The following IQSEC3 variants were observed in gnomAD, a reference collection of about 807,000 sequenced individuals.
The protein encoded by IQSEC3 is IQ motif and Sec7 domain ArfGEF 3.
Under a neutral mutation model 105.4 loss-of-function variants are expected in IQSEC3, and 50 were observed. The observed-to-expected ratio is 0.47, with a 90% CI of 0.38 to 0.60. IQSEC3 has a LOEUF of 0.60. IQSEC3 is among the 20% of genes least tolerant of loss of function. The probability of loss-of-function intolerance (pLI) is 0.00; values close to 1 mark genes in which losing one functional copy is unlikely to be tolerated. For synonymous variants in IQSEC3, 708 were observed against 746.0 expected (o/e 0.95, Z 0.83); for missense variants, 1,415 against 1,630.0 (o/e 0.87, Z 2.27).
rs1323995980 is a variant in IQSEC3, at chr12:162,780, T to C, written c.2584-714T>C. Among the ~76,000 whole-genome samples the C allele has an allele frequency of 4.6e-5, 7 of 152,292 alleles. No homozygotes were observed. In the East Asian group the frequency reaches 1.4e-3, roughly 29 times the overall value. The stretch of plus-strand genomic sequence containing the variant: ...GGTTTGTCTTACACGCTGGAGTAGA[T>C]GCCAGGTGTCTCTGTGATCCCTTCG... On this transcript the variant is annotated intron_variant, in intron 8 of 13. Transcript: ENST00000538872.
intron 1 of IQSEC3, among the ~76,000 whole-genome samples, chr12:78,190 C>A (rs1176413575): frequency 6.6e-6 from 1 of 151,282 alleles, no homozygotes; most frequent in African/African-American, 2.4e-5. Flanking sequence ...CGCAGGGCGC[C>A]GCCTCCTCCC....
At chr12:147,594 T>TC (rs1340818579) in intron 5 of IQSEC3, among the ~76,000 whole-genome samples, 3 of 151,994 alleles carry the variant, frequency 2.0e-5, no homozygotes, top group Non-Finnish European at 2.9e-5. Context: ...TCCTTGTCAG[T>TC]CCCCCATCAT....
Position 178,342 on chromosome 12 carries a change from G to T in IQSEC3, c.*3309G>T, listed in dbSNP as rs1331102994. 6.6e-6 allele frequency: 1 copy of T among 152,242 alleles called. No homozygotes were observed. Among genetic ancestry groups the T allele is most frequent in the African/African-American group, 2.4e-5 (1 of 41,446 alleles). The allele number at this position is 152,242 out of a possible 1,614,324, so 9.4% of individuals were successfully genotyped here. ...AACCTCTCTAGGGAAAGGCAGGGTG[G>T]CTGCACCCAGCAACTAATCCAAATG... On this transcript the variant is annotated 3_prime_UTR_variant, in exon 14 of 14. Transcript: ENST00000538872.
chr12:128,497 C>T (rs532594041), intron 3 of IQSEC3, among the ~76,000 whole-genome samples: 1 of 152,268 alleles, frequency 6.6e-6, no homozygotes, highest in Non-Finnish European at 1.5e-5. Context: ...CACTGAATCC[C>T]GTGTTCCATG....
chr12:136,838 C>T (rs141367150), intron 3 of IQSEC3, among the ~76,000 whole-genome samples: 2 of 152,294 alleles, frequency 1.3e-5, no homozygotes, highest in East Asian at 1.9e-4. Flanking sequence ...TATTTAAAGG[C>T]AGAAGCCTCT....
intron 2 of IQSEC3, among the ~76,000 whole-genome samples, chr12:104,667 G>A (rs964567103): frequency 2.6e-5 from 4 of 152,246 alleles, no homozygotes; most frequent in Admixed American, 6.5e-5. Flanking sequence ...CGCCCTGGTG[G>A]CCCACGTGGC....
intron 7 of IQSEC3, among the ~76,000 whole-genome samples, chr12:161,700 G>A (rs1376692972): frequency 6.6e-6 from 1 of 152,168 alleles, no homozygotes. Context: ...ATCAGGAGGT[G>A]AGGCAGGAGA....
chr12:74,370 A>G (rs1362605470), intron 1 of IQSEC3, among the ~76,000 whole-genome samples: 1 of 152,270 alleles, frequency 6.6e-6, no homozygotes, highest in Non-Finnish European at 1.5e-5. Context: ...AAATGAAAAC[A>G]AATGAAAAAG....
At chr12:131,159 C>T (rs927800724) in intron 3 of IQSEC3, among the ~76,000 whole-genome samples, 7 of 152,112 alleles carry the variant, frequency 4.6e-5, no homozygotes, top group Admixed American at 2.6e-4. Context: ...GAAGGGGGCA[C>T]GTTCTAATTA....
chr12:155,752 G>A (rs1866662394), intron 5 of IQSEC3, among the ~76,000 whole-genome samples: 5 of 152,200 alleles, frequency 3.3e-5, no homozygotes, highest in South Asian at 4.1e-4. Context: ...TGCTCTCGAT[G>A]TGGTGGGCAG....
Position 125,855 on chromosome 12 carries a change from C to CT in IQSEC3, c.846_847insT (p.Pro283SerfsTer14), listed in dbSNP as rs1256405382. 2.0e-6 allele frequency: 3 copies of CT among 1,533,324 alleles called. No individual in the cohort carries two copies. Among genetic ancestry groups the CT allele is most frequent in the African/African-American group, 1.4e-5 (1 of 72,838 alleles). The allele number at this position is 1,533,324 out of a possible 1,614,324, so 95.0% of individuals were successfully genotyped here. ...AGCCTGCCCTGGCGACGGCGCTGTGCCCCCACGCCCCTGCCGCCTCCGATT... is the reference window on the plus strand; with the variant it reads ...AGCCTGCCCTGGCGACGGCGCTGTGCTCCCCACGCCCCTGCCGCCTCCGATT... On this transcript the variant is annotated frameshift_variant, in exon 3 of 14. Coordinates refer to ENST00000538872, the MANE Select transcript of IQSEC3 (RefSeq NM_001170738.2). LOFTEE classifies it high-confidence loss of function.
In IQSEC3 at chr12:107,591, TA is replaced by T. The variant is rs549352990; in HGVS notation, c.623+8378del. On this transcript the variant is annotated intron_variant, in intron 2 of 13. Transcript: ENST00000538872. Reference sequence around the variant, plus strand: ...TGCCCGGCTAATTTTTTTGTATTTTTAGTAGAGACGGGGTTTCACTGTGTTA... The same window carrying T: ...TGCCCGGCTAATTTTTTTGTATTTTTGTAGAGACGGGGTTTCACTGTGTTA... Among the ~76,000 whole-genome samples the T allele has an allele frequency of 5.9e-5, 9 of 151,824 alleles. No individual in the cohort carries two copies. The South Asian group carries it at 1.9e-3, about 32-fold the overall frequency.
intron 2 of IQSEC3, among the ~76,000 whole-genome samples, chr12:102,260 A>G (rs1250270517): frequency 1.3e-5 from 2 of 151,718 alleles, no homozygotes; most frequent in Non-Finnish European, 2.9e-5. Flanking sequence ...TAGCTCAGCC[A>G]GTAGGAATCA....
In IQSEC3 at chr12:139,114, G is replaced by A. The variant is rs1555088171; in HGVS notation, c.1751G>A (p.Gly584Glu). The A allele has an allele frequency of 6.6e-7, 1 of 1,511,520 alleles. No individual in the cohort carries two copies. The highest frequency in any genetic ancestry group is 8.9e-7 in the Non-Finnish European group (1 of 1,128,082). 93.6% of individuals were successfully genotyped at this position (1,511,520 alleles called of 1,614,324 possible). A position where few individuals can be genotyped will look rare whatever the true frequency, so the allele number is the denominator to read the frequency against. Residue 584 changes from glycine (G) to glutamate (E), a missense_variant, in exon 4 of 14, where the codon GGG (glycine) becomes GAG (glutamate). By Grantham distance (98) the Gly-to-Glu change is moderately conservative. Transcript: ENST00000538872. Reference sequence around the variant, plus strand: ...GAGGAGGAGGAGACGGCGGAGGTGGGGAGAGGGGCCGAGGCCGAGGCAGGC... The same window carrying A: ...GAGGAGGAGGAGACGGCGGAGGTGGAGAGAGGGGCCGAGGCCGAGGCAGGC... Reference protein sequence around the residue: ...EEEEEETAEVGRGAEAEAGDL... With the variant: ...EEEEEETAEVERGAEAEAGDL...
intron 4 of IQSEC3, chr12:139,898 G>C (rs1186901253): frequency 1.3e-5 from 2 of 152,688 alleles, no homozygotes; most frequent in African/African-American, 4.8e-5. Flanking sequence ...AAAGAGAACA[G>C]GGGAGAAATG....
At chr12:168,895 C>A in intron 11 of IQSEC3, 118 bp from the exon 12 acceptor site, 1 of 836,234 alleles carries the variant, frequency 1.2e-6, no homozygotes, top group South Asian at 1.5e-5. Flanking sequence ...TGTTTCACAG[C>A]ATGTACTGGG....
intron 5 of IQSEC3, among the ~76,000 whole-genome samples, chr12:147,191 G>C (rs1463646392): frequency 1.3e-5 from 2 of 152,134 alleles, no homozygotes; most frequent in East Asian, 3.9e-4. Flanking sequence ...CTCGGACGTG[G>C]GCCTTCTAGA....
chr12:136,665 G>A (rs964280137), intron 3 of IQSEC3, among the ~76,000 whole-genome samples: 2 of 152,180 alleles, frequency 1.3e-5, no homozygotes, highest in Admixed American at 6.5e-5. Flanking sequence ...TCATCTCAGC[G>A]CACCCATCCC....
intron 2 of IQSEC3, among the ~76,000 whole-genome samples, chr12:99,617 A>T (rs1156799133): frequency 6.6e-6 from 1 of 152,202 alleles, no homozygotes; most frequent in Admixed American, 6.5e-5. Flanking sequence ...TCAAGGATTT[A>T]TACTTTTCTT....
Sources: allele counts gnomAD v4.1 joint callset (sites outside exome capture counted in the v4.1 genomes callset), GRCh38; gene constraint gnomAD v4.1.1; transcripts MANE v1.5; gene names NCBI Gene and HGNC (gene_info 2026-07-23, HGNC 2026-07-21).